Variants in CSMD1 observed in about 807,000 individuals in gnomAD.
The protein encoded by CSMD1 is CUB and sushi domain-containing protein 1.
In CSMD1, 213 loss-of-function variants were observed where a neutral mutation model predicts 417.5. That is an observed-to-expected ratio of 0.51 (90% CI 0.46 to 0.57). The LOEUF (loss-of-function observed/expected upper bound fraction) is 0.57. CSMD1 is among the 20% of genes least tolerant of loss of function. The pLI is 0.00. For synonymous variants in CSMD1, 2,862 were observed against 1,736.8 expected (o/e 1.65, Z -16.11); for missense variants, 6,923 against 4,529.7 (o/e 1.53, Z -15.17).
intron 8 of CSMD1, among the ~76,000 whole-genome samples, chr8:3,605,461 T>A (rs1179337699): frequency 2.6e-5 from 4 of 152,152 alleles, no homozygotes; most frequent in Admixed American, 1.3e-4. Flanking sequence ...ATAATAACTA[T>A]AAATAAAATT....
chr8:4,370,831 A>C (rs963060295), intron 3 of CSMD1, among the ~76,000 whole-genome samples: 15 of 152,202 alleles, frequency 9.9e-5, no homozygotes, highest in African/African-American at 3.6e-4. Context: ...CTCTTAGATC[A>C]TTTTATTGTT....
intron 5 of CSMD1, among the ~76,000 whole-genome samples, chr8:3,831,103 T>C (rs538158365): frequency 3.3e-5 from 5 of 152,066 alleles, no homozygotes; most frequent in East Asian, 1.9e-4. Flanking sequence ...TCCAATACCA[T>C]TCAGAATTAA....
intron 1 of CSMD1, among the ~76,000 whole-genome samples, chr8:4,938,210 T>G (rs1015039263): frequency 2.6e-5 from 4 of 152,172 alleles, no homozygotes; most frequent in Non-Finnish European, 2.9e-5. Context: ...GAGCTACTAG[T>G]GAAGCTCTGG....
At chr8:3,702,940 G>T (rs1316775097) in intron 7 of CSMD1, among the ~76,000 whole-genome samples, 1 of 152,204 alleles carries the variant, frequency 6.6e-6, no homozygotes, top group Non-Finnish European at 1.5e-5. Context: ...GAAAATGGGG[G>T]ATGGGTGCTT....
chr8:4,141,960 T>A (rs1803817811), intron 3 of CSMD1, among the ~76,000 whole-genome samples: 1 of 151,212 alleles, frequency 6.6e-6, no homozygotes, highest in South Asian at 2.1e-4. Context: ...GGTGTTAATT[T>A]GTTTATAAAT....
chr8:3,747,054 A>G (rs1797097425), intron 6 of CSMD1, among the ~76,000 whole-genome samples: 1 of 152,216 alleles, frequency 6.6e-6, no homozygotes, highest in African/African-American at 2.4e-5. Context: ...CCACCCCTCA[A>G]CTAAAACACG....
chr8:4,248,173 T>G (rs548379078), intron 3 of CSMD1, among the ~76,000 whole-genome samples: 8 of 152,308 alleles, frequency 5.3e-5, no homozygotes, highest in Non-Finnish European at 1.2e-4. Context: ...CTTTGAAACT[T>G]GAAGCCCTGG....
At chr8:3,801,976 T>C (rs1406695587) in intron 5 of CSMD1, among the ~76,000 whole-genome samples, 6 of 152,046 alleles carry the variant, frequency 3.9e-5, no homozygotes, top group Non-Finnish European at 8.8e-5. Flanking sequence ...AGAACATTTT[T>C]TAGGGGTGAT....
chr8:3,134,333 T>C (rs1031088036), intron 41 of CSMD1, among the ~76,000 whole-genome samples: 1 of 152,174 alleles, frequency 6.6e-6, no homozygotes, highest in Non-Finnish European at 1.5e-5. Flanking sequence ...CAAGAGGCAA[T>C]GCAGCCACAG....
chr8:4,181,882 G>A (rs1798396796), intron 3 of CSMD1, among the ~76,000 whole-genome samples: 1 of 152,038 alleles, frequency 6.6e-6, no homozygotes, highest in South Asian at 2.1e-4. Flanking sequence ...ATTATAACAT[G>A]ATTTCACAGT....
At chr8:3,953,785 G>C (rs1257150189) in intron 5 of CSMD1, among the ~76,000 whole-genome samples, 2 of 151,966 alleles carry the variant, frequency 1.3e-5, no homozygotes, top group African/African-American at 2.4e-5. Flanking sequence ...CACAAGCCCC[G>C]CAACACCTCA....
At position 4,222,707 on chromosome 8, in the gene CSMD1, G is replaced by A. The variant is rs554891231; in HGVS notation, c.416-190608C>T. On this transcript the variant is annotated intron_variant, in intron 3 of 69. Coordinates refer to ENST00000635120, the MANE Select transcript of CSMD1 (RefSeq NM_033225.6). Reference sequence around the variant, plus strand: ...ATTCAGTTATGCCTCTATCTGGTTCGCTTCTGTAGGTGATAAAAAGTGGTC... The same window carrying A: ...ATTCAGTTATGCCTCTATCTGGTTCACTTCTGTAGGTGATAAAAAGTGGTC... Among the ~76,000 whole-genome samples the A allele has an allele frequency of 1.2e-4, 18 of 152,158 alleles. No homozygotes were observed. In the East Asian group the frequency reaches 2.3e-3, roughly 20 times the overall value.
intron 3 of CSMD1, among the ~76,000 whole-genome samples, chr8:4,208,923 A>T (rs978520503): frequency 6.6e-6 from 1 of 152,184 alleles, no homozygotes; most frequent in African/African-American, 2.4e-5. Flanking sequence ...CCCTGTAGAC[A>T]TAACAGATAA....
chr8:3,497,521 C>G lies in CSMD1; in HGVS notation c.1345-3795G>C, dbSNP rs527287549. Among the ~76,000 whole-genome samples the G allele has an allele frequency of 3.3e-4, 51 of 152,292 alleles. 2 individuals are homozygous for G. In the South Asian group the frequency reaches 0.01, roughly 30 times the overall value. ...CTGGGTTTAAGCAATTCTCATGTCT[C>G]ACCCTTCTAGGTATCTGGGATTACA... On this transcript the variant is annotated intron_variant, in intron 10 of 69. Coordinates refer to ENST00000635120, the MANE Select transcript of CSMD1 (RefSeq NM_033225.6).
rs148140181 is a variant in CSMD1, at chr8:3,926,163, T to C, written c.818+71740A>G. 4.2e-3 allele frequency among the ~76,000 whole-genome samples: 636 copies of C among 150,600 alleles called. 1 individual carries two copies. The highest frequency in any genetic ancestry group is 7.2e-3 in the Non-Finnish European group (487 of 67,740). ...GTGTGTATAGGTGGGGGTTTATGTATACTTTCTAAGTCATATTTTTCCCAG... is the reference window on the plus strand; with the variant it reads ...GTGTGTATAGGTGGGGGTTTATGTACACTTTCTAAGTCATATTTTTCCCAG... On this transcript the variant is annotated intron_variant, in intron 5 of 69. Transcript: ENST00000635120.
At position 3,290,616 on chromosome 8, in the gene CSMD1, G is replaced by T. The variant is rs1271879275; in HGVS notation, c.3951-6270C>A. On this transcript the variant is annotated intron_variant, in intron 25 of 69. Coordinates refer to ENST00000635120, the MANE Select transcript of CSMD1 (RefSeq NM_033225.6). ...TGAATGGGAGTTCACTCATGATTTG[G>T]CTCTCTGTTTGTCTGTTATTGGCGT... is the stretch of plus-strand genomic sequence containing the variant. Among the ~76,000 whole-genome samples the T allele has an allele frequency of 2.7e-5, 4 of 146,812 alleles. 1 individual carries two copies. Among genetic ancestry groups the T allele is most frequent in the African/African-American group, 1.1e-4 (4 of 36,730 alleles).
chr8:3,615,864 T>G (rs1802111769), intron 8 of CSMD1, among the ~76,000 whole-genome samples: 1 of 152,144 alleles, frequency 6.6e-6, no homozygotes, highest in Non-Finnish European at 1.5e-5. Context: ...ATCCATCTTG[T>G]AAGATGGAAA....
chr8:4,834,434 G>C (rs142321608), intron 1 of CSMD1, among the ~76,000 whole-genome samples: 85 of 152,278 alleles, frequency 5.6e-4, no homozygotes, highest in African/African-American at 2.0e-3. Flanking sequence ...AAAGCAAAGA[G>C]GATTGAGTGG....
At chr8:4,260,356 T>G (rs184788956) in intron 3 of CSMD1, among the ~76,000 whole-genome samples, 33 of 152,340 alleles carry the variant, frequency 2.2e-4, no homozygotes, top group African/African-American at 6.5e-4. Context: ...TGAGTTGCTA[T>G]TGATTTGTAG....
Sources: gnomAD v4.1 joint callset for allele counts (sites outside exome capture counted in the v4.1 genomes callset) on GRCh38, gnomAD v4.1.1 for gene constraint, MANE v1.5 for transcripts, NCBI Gene and HGNC (gene_info 2026-07-23, HGNC 2026-07-21) for gene names.